LRP1B: variants seen among roughly 807,000 people sequenced by gnomAD.
The protein encoded by LRP1B is low-density lipoprotein receptor-related protein 1B.
A neutral mutation model predicts 556.6 loss-of-function variants in LRP1B; 217 were observed. The ratio of observed to expected loss-of-function variants is 0.39; its 90% CI spans 0.35 to 0.44. LRP1B has a LOEUF of 0.44. LRP1B is among the 20% of genes least tolerant of loss of function. LRP1B has a pLI of 1.00. For synonymous variants in LRP1B, 2,047 were observed against 1,865.8 expected (o/e 1.10, Z -2.50); for missense variants, 5,053 against 5,620.8 (o/e 0.90, Z 3.23).
chr2:141,497,487 A>G (rs1683549287), intron 2 of LRP1B, among the ~76,000 whole-genome samples: 1 of 152,062 alleles, frequency 6.6e-6, no homozygotes, highest in Non-Finnish European at 1.5e-5. Flanking sequence ...AATAACCTAG[A>G]ATAACTGAAT....
chr2:140,907,624 G>T (rs923885089), intron 22 of LRP1B, among the ~76,000 whole-genome samples: 2 of 152,074 alleles, frequency 1.3e-5, no homozygotes, highest in African/African-American at 4.8e-5. Context: ...TCTAAATGAT[G>T]AACACAGCTC....
At chr2:142,125,786 C>G (rs936841544) in intron 1 of LRP1B, among the ~76,000 whole-genome samples, 1 of 151,660 alleles carries the variant, frequency 6.6e-6, no homozygotes, top group Non-Finnish European at 1.5e-5. Context: ...TAAAAAGCAT[C>G]CCTTGACATT....
At chr2:142,055,713 C>G (rs914385053) in intron 1 of LRP1B, among the ~76,000 whole-genome samples, 3 of 152,142 alleles carry the variant, frequency 2.0e-5, no homozygotes, top group African/African-American at 7.2e-5. Flanking sequence ...ATCCACATGT[C>G]CTTGAAGCAC....
At chr2:140,362,668 T>C (rs1367453112) in intron 72 of LRP1B, among the ~76,000 whole-genome samples, 1 of 151,548 alleles carries the variant, frequency 6.6e-6, no homozygotes, top group Non-Finnish European at 1.5e-5. Context: ...CAATTTTGTA[T>C]CACACTTTCA....
chr2:140,686,569 T>C (rs920679573), intron 41 of LRP1B, among the ~76,000 whole-genome samples: 4 of 152,154 alleles, frequency 2.6e-5, no homozygotes, highest in African/African-American at 9.6e-5. Context: ...AATACTTTTA[T>C]TGATGAAAAT....
intron 49 of LRP1B, 126 bp downstream of exon 49, chr2:140,525,718 G>A (rs1690402586): frequency 1.3e-6 from 1 of 784,450 alleles, no homozygotes. Flanking sequence ...ATTTCAGTCT[G>A]TGCCATTTAA....
intron 7 of LRP1B, among the ~76,000 whole-genome samples, chr2:141,079,374 C>T (rs1699869393): frequency 6.6e-6 from 1 of 152,160 alleles, no homozygotes; most frequent in African/African-American, 2.4e-5. Flanking sequence ...GTAGGCAGAG[C>T]TCTAATGTGC....
At chr2:141,772,289 C>T (rs941115346) in intron 2 of LRP1B, among the ~76,000 whole-genome samples, 1 of 152,114 alleles carries the variant, frequency 6.6e-6, no homozygotes, top group Non-Finnish European at 1.5e-5. Flanking sequence ...GTTATAGCAT[C>T]CCAAACTGAC....
intron 1 of LRP1B, among the ~76,000 whole-genome samples, chr2:142,107,602 G>A (rs1015743348): frequency 1.4e-5 from 2 of 147,140 alleles, no homozygotes; most frequent in African/African-American, 5.0e-5. Context: ...TCTCATATAG[G>A]CATTCAATAA....
At chr2:141,993,915 GT>G (rs59433844) in intron 1 of LRP1B, among the ~76,000 whole-genome samples, 129,943 of 151,982 alleles carry the variant, frequency 0.85, 55,643 homozygotes, top group East Asian at 0.95. Context: ...TAAGGTTTAT[GT>G]TTTTTTTCTT....
intron 35 of LRP1B, among the ~76,000 whole-genome samples, chr2:140,740,847 A>T (rs1688112587): frequency 6.6e-6 from 1 of 151,904 alleles, no homozygotes; most frequent in Non-Finnish European, 1.5e-5. Flanking sequence ...TTATAAGAAC[A>T]CCAGTTATAT....
intron 3 of LRP1B, among the ~76,000 whole-genome samples, chr2:141,447,763 G>A (rs918826296): frequency 3.3e-5 from 5 of 152,164 alleles, no homozygotes; most frequent in African/African-American, 1.2e-4. Context: ...AGCAAAGATT[G>A]CTGCCTGTTC....
At chr2:141,790,860 A>AT (rs1695588021) in intron 2 of LRP1B, among the ~76,000 whole-genome samples, 1 of 151,906 alleles carries the variant, frequency 6.6e-6, no homozygotes, top group South Asian at 2.1e-4. Flanking sequence ...AGCATTTCAT[A>AT]TTTTTTTGTT....
chr2:140,328,152 C>T (rs1680595590), intron 79 of LRP1B, among the ~76,000 whole-genome samples: 2 of 151,844 alleles, frequency 1.3e-5, no homozygotes, highest in Non-Finnish European at 2.9e-5. Context: ...TCTCAAGAAA[C>T]TCATTTTTAT....
chr2:141,289,106 G>C (rs138377317), intron 3 of LRP1B, among the ~76,000 whole-genome samples: 187 of 146,278 alleles, frequency 1.3e-3, no homozygotes, highest in Non-Finnish European at 2.1e-3. Flanking sequence ...AAATGCGGCC[G>C]GGCGCGGTGG....
intron 72 of LRP1B, among the ~76,000 whole-genome samples, chr2:140,360,782 T>C (rs530115743): frequency 3.3e-5 from 5 of 151,626 alleles, no homozygotes; most frequent in African/African-American, 7.3e-5. Context: ...GTTGTTTACA[T>C]TGGTGAATTT....
chr2:141,576,793 A>T (rs2105272457), intron 2 of LRP1B, among the ~76,000 whole-genome samples: 1 of 145,268 alleles, frequency 6.9e-6, no homozygotes, highest in Admixed American at 6.9e-5. Flanking sequence ...ACCCTGAAGC[A>T]TACATTAATA....
chr2:140,595,112 A>ATATATATC (rs1682386710), intron 43 of LRP1B, among the ~76,000 whole-genome samples: 1 of 81,588 alleles, frequency 1.2e-5, no homozygotes, highest in Non-Finnish European at 2.5e-5. Context: ...ATATATATAT[A>ATATATATC]TATATATATA....
chr2:140,592,360 G>A (rs1682261538), intron 43 of LRP1B, among the ~76,000 whole-genome samples: 1 of 151,892 alleles, frequency 6.6e-6, no homozygotes, highest in African/African-American at 2.4e-5. Context: ...AATAATACTG[G>A]TTTATTCCAG....
Sources: gnomAD v4.1 joint callset for allele counts (sites outside exome capture counted in the v4.1 genomes callset) on GRCh38, gnomAD v4.1.1 for gene constraint, MANE v1.5 for transcripts, NCBI Gene and HGNC (gene_info 2026-07-23, HGNC 2026-07-21) for gene names.